The following MEI4 variants were observed in gnomAD, a reference collection of about 807,000 sequenced individuals.
MEI4 encodes meiosis-specific protein MEI4.
In MEI4, 27 loss-of-function variants were observed where a neutral mutation model predicts 31.4. The ratio of observed to expected loss-of-function variants is 0.86; its 90% CI spans 0.63 to 1.19. The LOEUF is 1.19. MEI4 is among the 50% of genes most tolerant of loss of function. MEI4 has a pLI of 0.00. For synonymous variants in MEI4, 122 were observed against 145.4 expected (o/e 0.84, Z 1.16); for missense variants, 329 against 398.9 (o/e 0.82, Z 1.49).
chr6:77,863,295 G>A (rs898612297), intron 4 of MEI4, among the ~76,000 whole-genome samples: 7 of 152,140 alleles, frequency 4.6e-5, no homozygotes, highest in African/African-American at 7.2e-5. Context: ...TGAGCTAAAG[G>A]AGGAAGTTCG....
At chr6:77,819,988 T>C (rs1295065902) in intron 3 of MEI4, among the ~76,000 whole-genome samples, 2 of 152,102 alleles carry the variant, frequency 1.3e-5, no homozygotes, top group Non-Finnish European at 1.5e-5. Flanking sequence ...ATTTATTTTT[T>C]CATTTGCTGA....
intron 1 of MEI4, among the ~76,000 whole-genome samples, chr6:77,657,098 CCA>C (rs1768411051): frequency 6.6e-6 from 1 of 152,068 alleles, no homozygotes; most frequent in African/African-American, 2.4e-5. Context: ...AGACAAATTC[CCA>C]GTTTCTCATC....
intron 2 of MEI4, among the ~76,000 whole-genome samples, chr6:77,756,624 CCTCT>C (rs149549601): frequency 0.01 from 1,529 of 145,948 alleles, 25 homozygotes; most frequent in African/African-American, 0.036. Context: ...TCTCTCTCTC[CCTCT>C]CTCTCTCTCT....
At chr6:77,904,567 TTTTCTG>T (rs1766252051) in intron 4 of MEI4, among the ~76,000 whole-genome samples, 1 of 151,960 alleles carries the variant, frequency 6.6e-6, no homozygotes, top group African/African-American at 2.4e-5. Flanking sequence ...CAGGATTTGG[TTTTCTG>T]TTTCTATTTT....
chr6:77,764,087 C>T (rs973549791), intron 3 of MEI4, among the ~76,000 whole-genome samples: 3 of 152,142 alleles, frequency 2.0e-5, no homozygotes, highest in Non-Finnish European at 2.9e-5. Flanking sequence ...GCTGGGATTA[C>T]AGGTGTGAAC....
intron 4 of MEI4, among the ~76,000 whole-genome samples, chr6:77,844,748 C>T (rs193092826): frequency 2.2e-4 from 33 of 151,906 alleles, no homozygotes; most frequent in African/African-American, 7.5e-4. Flanking sequence ...TGTCACATGT[C>T]GAGGAAAGCA....
intron 4 of MEI4, among the ~76,000 whole-genome samples, chr6:77,891,413 T>C (rs540583473): frequency 6.6e-6 from 1 of 152,294 alleles, no homozygotes; most frequent in East Asian, 1.9e-4. Context: ...TGAAGATGTC[T>C]TTTGTGATTT....
chr6:77,914,460 T>C (rs147342773), intron 4 of MEI4, among the ~76,000 whole-genome samples: 92 of 150,682 alleles, frequency 6.1e-4, no homozygotes, highest in African/African-American at 2.0e-3. Context: ...AGAAGATACT[T>C]AATACTAATT....
chr6:77,907,617 T>G (rs1766327228), intron 4 of MEI4, among the ~76,000 whole-genome samples: 1 of 152,312 alleles, frequency 6.6e-6, no homozygotes, highest in African/African-American at 2.4e-5. Context: ...TGTGTCCTTA[T>G]AGCAGCATGT....
At chr6:77,880,219 G>T (rs1420741282) in intron 4 of MEI4, among the ~76,000 whole-genome samples, 1 of 147,312 alleles carries the variant, frequency 6.8e-6, no homozygotes, top group Non-Finnish European at 1.5e-5. Context: ...TATTATTGTG[G>T]GGTTTTTTTT....
chr6:77,745,507 A>T lies in MEI4; in HGVS notation c.233-15623A>T, dbSNP rs569176731. On this transcript the variant is annotated intron_variant, in intron 2 of 4. Transcript: ENST00000684080. ...AACCTACATAGAGACTTAGACTCCC[A>T]CACATTAATAATGGGAGACTTTAAT... is the stretch of plus-strand genomic sequence containing the variant. Among the ~76,000 whole-genome samples the T allele has an allele frequency of 5.3e-5, 8 of 152,334 alleles. No individual in the cohort carries two copies. The South Asian group carries it at 8.3e-4, about 16-fold the overall frequency.
intron 3 of MEI4, among the ~76,000 whole-genome samples, chr6:77,819,265 AT>A (rs1252418479): frequency 3.9e-5 from 6 of 152,096 alleles, no homozygotes; most frequent in Admixed American, 3.9e-4. Context: ...GTTTTAACTG[AT>A]TTAAATATTT....
intron 2 of MEI4, among the ~76,000 whole-genome samples, chr6:77,729,651 T>G (rs184692710): frequency 7.4e-4 from 112 of 152,274 alleles, no homozygotes; most frequent in African/African-American, 2.6e-3. Context: ...ACTTCTTCAA[T>G]TAATCACCCC....
intron 3 of MEI4, among the ~76,000 whole-genome samples, chr6:77,790,414 T>C (rs2203221): frequency 0.14 from 20,880 of 151,698 alleles, 1,530 homozygotes; most frequent in Middle Eastern, 0.21. Context: ...GAAAATAACA[T>C]TGAATGATAA....
intron 4 of MEI4, among the ~76,000 whole-genome samples, chr6:77,882,496 T>C (rs910309646): frequency 6.6e-6 from 1 of 152,196 alleles, no homozygotes; most frequent in Non-Finnish European, 1.5e-5. Flanking sequence ...AGTTGCATGG[T>C]TTTTTTCTAT....
chr6:77,679,345 G>A (rs1463087410), intron 1 of MEI4, among the ~76,000 whole-genome samples: 10 of 151,932 alleles, frequency 6.6e-5, no homozygotes, highest in South Asian at 2.1e-4. Context: ...CTTTTATATC[G>A]TATTTTTACT....
chr6:77,917,026 T>G (rs1293808713), intron 4 of MEI4, among the ~76,000 whole-genome samples: 5 of 149,860 alleles, frequency 3.3e-5, no homozygotes, highest in African/African-American at 1.2e-4. Flanking sequence ...CGGTGTTTGG[T>G]TTTTTGTTCT....
chr6:77,670,415 C>G (rs989106738), intron 1 of MEI4, among the ~76,000 whole-genome samples: 2 of 152,092 alleles, frequency 1.3e-5, no homozygotes, highest in Admixed American at 1.3e-4. Flanking sequence ...AATTTCCAGA[C>G]TGAACCATAA....
intron 1 of MEI4, among the ~76,000 whole-genome samples, chr6:77,687,971 A>G (rs1429461368): frequency 1.3e-5 from 2 of 152,044 alleles, no homozygotes; most frequent in African/African-American, 4.8e-5. Context: ...CCAAGCTTTT[A>G]ATTATGGTTT....
Sources: gnomAD v4.1 joint callset for allele counts (sites outside exome capture counted in the v4.1 genomes callset) on GRCh38, gnomAD v4.1.1 for gene constraint, MANE v1.5 for transcripts, NCBI Gene and HGNC (gene_info 2026-07-23, HGNC 2026-07-21) for gene names.